The following MAGI2 variants were observed in gnomAD, a reference collection of about 807,000 sequenced individuals.
MAGI2 encodes membrane associated guanylate kinase, WW and PDZ domain containing 2, also known as membrane-associated guanylate kinase, WW and PDZ domain-containing protein 2.
A neutral mutation model predicts 133.3 loss-of-function variants in MAGI2; 35 were observed. That is an observed-to-expected ratio of 0.26 (90% CI 0.20 to 0.35). MAGI2 has a LOEUF of 0.35. MAGI2 is among the 10% of genes least tolerant of loss of function. The pLI, the probability that MAGI2 is intolerant of heterozygous loss-of-function variation, is 1.00. For synonymous variants in MAGI2, 729 were observed against 710.6 expected, an observed-to-expected ratio of 1.03 and a Z score of -0.41; for missense variants, 1,636 against 1,863.4, an observed-to-expected ratio of 0.88 and a Z score of 2.25.
At chr7:78,316,129 G>A (rs1787389485) in intron 9 of MAGI2, among the ~76,000 whole-genome samples, 1 of 152,138 alleles carries the variant, frequency 6.6e-6, no homozygotes, top group Non-Finnish European at 1.5e-5. Context: ...TTTACAAAGT[G>A]TCCTTTTATC....
At chr7:78,108,982 G>T (rs1373546232) in intron 20 of MAGI2, among the ~76,000 whole-genome samples, 2 of 151,966 alleles carry the variant, frequency 1.3e-5, no homozygotes. Flanking sequence ...ATGGAAAATG[G>T]CATGGGACTA....
intron 21 of MAGI2, among the ~76,000 whole-genome samples, chr7:78,058,547 C>T (rs564332130): frequency 1.3e-5 from 2 of 151,564 alleles, no homozygotes; most frequent in African/African-American, 4.9e-5. Flanking sequence ...TCTCGGCTCA[C>T]TGCAAACTCC....
chr7:79,334,767 T>C (rs1232559934), intron 1 of MAGI2, among the ~76,000 whole-genome samples: 3 of 152,194 alleles, frequency 2.0e-5, no homozygotes, highest in Admixed American at 1.3e-4. Context: ...ATCAAAGATT[T>C]GTAATTGATA....
intron 1 of MAGI2, among the ~76,000 whole-genome samples, chr7:79,198,607 A>G (rs1382821156): frequency 6.6e-6 from 1 of 151,880 alleles, no homozygotes; most frequent in African/African-American, 2.4e-5. Context: ...AGTAAGAGGT[A>G]GGCCGGGCGC....
At chr7:78,329,225 A>T (rs371146339) in intron 9 of MAGI2, among the ~76,000 whole-genome samples, 2 of 152,174 alleles carry the variant, frequency 1.3e-5, no homozygotes, top group African/African-American at 4.8e-5. Context: ...AGCAGTTTTG[A>T]TATTTGCAGA....
chr7:79,156,511 C>T (rs1239278938), intron 1 of MAGI2, among the ~76,000 whole-genome samples: 2 of 152,116 alleles, frequency 1.3e-5, no homozygotes, highest in Non-Finnish European at 2.9e-5. Context: ...TTATCTTAAC[C>T]TGAACATTTC....
intron 2 of MAGI2, among the ~76,000 whole-genome samples, chr7:78,792,431 G>A (rs908256151): frequency 8.5e-5 from 13 of 152,112 alleles, no homozygotes; most frequent in Non-Finnish European, 1.8e-4. Flanking sequence ...CAATAGCACC[G>A]CTATAGAGAT....
intron 6 of MAGI2, among the ~76,000 whole-genome samples, chr7:78,399,430 TA>T (rs1016985430): frequency 6.6e-6 from 1 of 152,222 alleles, no homozygotes; most frequent in African/African-American, 2.4e-5. Flanking sequence ...ATTTCATCTA[TA>T]GAATGCTAAG....
At chr7:78,758,340 T>C (rs1824165689) in intron 2 of MAGI2, among the ~76,000 whole-genome samples, 1 of 152,172 alleles carries the variant, frequency 6.6e-6, no homozygotes, top group East Asian at 1.9e-4. Context: ...CAATACGTAC[T>C]TGTAGTACGA....
At chr7:78,980,526 A>C (rs1804688246) in intron 2 of MAGI2, among the ~76,000 whole-genome samples, 1 of 151,880 alleles carries the variant, frequency 6.6e-6, no homozygotes, top group Non-Finnish European at 1.5e-5. Flanking sequence ...TGAACTCAGA[A>C]CGAAGGTATA....
At chr7:79,325,358 A>C in intron 1 of MAGI2, among the ~76,000 whole-genome samples, 1 of 152,168 alleles carries the variant, frequency 6.6e-6, no homozygotes, top group East Asian at 1.9e-4. Context: ...TTCTATAGAA[A>C]GTGTGGAGAA....
intron 2 of MAGI2, among the ~76,000 whole-genome samples, chr7:78,692,665 T>C (rs1443307766): frequency 1.3e-5 from 2 of 152,230 alleles, no homozygotes; most frequent in African/African-American, 2.4e-5. Flanking sequence ...AAAATCATCA[T>C]GTATTTAAGT....
chr7:79,385,244 G>A (rs1056335842), intron 1 of MAGI2, among the ~76,000 whole-genome samples: 16 of 151,764 alleles, frequency 1.1e-4, no homozygotes, highest in Admixed American at 9.9e-4. Context: ...TCGCATAAAT[G>A]TAAGGCTGTA....
intron 2 of MAGI2, among the ~76,000 whole-genome samples, chr7:78,994,560 C>T (rs919024249): frequency 4.6e-5 from 7 of 152,054 alleles, no homozygotes; most frequent in South Asian, 2.1e-4. Context: ...CTAAGATTTG[C>T]TCAAAGAACT....
chr7:78,726,611 G>A (rs1189837017), intron 2 of MAGI2, among the ~76,000 whole-genome samples: 1 of 152,094 alleles, frequency 6.6e-6, no homozygotes, highest in Non-Finnish European at 1.5e-5. Context: ...CATCGTTGAA[G>A]TCACATTTTT....
chr7:79,356,367 G>C (rs561918710), intron 1 of MAGI2, among the ~76,000 whole-genome samples: 15 of 152,088 alleles, frequency 9.9e-5, no homozygotes, highest in Non-Finnish European at 2.1e-4. Flanking sequence ...GTATTAATAA[G>C]AATAGTGGAC....
At chr7:78,218,186 T>C (rs1310745239) in intron 10 of MAGI2, among the ~76,000 whole-genome samples, 1 of 152,210 alleles carries the variant, frequency 6.6e-6, no homozygotes, top group Non-Finnish European at 1.5e-5. Flanking sequence ...CTGCCAGCAA[T>C]GTGCCTTGGT....
chr7:78,300,705 C>T (rs905425638), intron 9 of MAGI2, among the ~76,000 whole-genome samples: 12 of 152,302 alleles, frequency 7.9e-5, no homozygotes, highest in Admixed American at 6.5e-4. Flanking sequence ...AGAACTGATT[C>T]CCCAGGGAAC....
At chr7:78,326,164 T>G (rs1788563683) in intron 9 of MAGI2, among the ~76,000 whole-genome samples, 1 of 152,228 alleles carries the variant, frequency 6.6e-6, no homozygotes, top group South Asian at 2.1e-4. Context: ...AAGAAGAGAT[T>G]GTACCTGACG....
Sources: gnomAD v4.1 joint callset for allele counts (sites outside exome capture counted in the v4.1 genomes callset) on GRCh38, gnomAD v4.1.1 for gene constraint, MANE v1.5 for transcripts, NCBI Gene and HGNC (gene_info 2026-07-23, HGNC 2026-07-21) for gene names.